TSPEAR: variants seen among roughly 807,000 people sequenced by gnomAD.
The protein encoded by TSPEAR is thrombospondin type laminin G domain and EAR repeats.
Under a neutral mutation model 71.6 loss-of-function variants are expected in TSPEAR, and 69 were observed. That is an observed-to-expected ratio of 0.96 (90% CI 0.79 to 1.18). The LOEUF (loss-of-function observed/expected upper bound fraction) is 1.18, where lower values mean the gene tolerates loss of function less well. TSPEAR is among the 50% of genes most tolerant of loss of function. The pLI is 0.00. For synonymous variants in TSPEAR, 402 were observed against 387.2 expected, an observed-to-expected ratio of 1.04 and a Z score of -0.45; for missense variants, 971 against 894.9, an observed-to-expected ratio of 1.09 and a Z score of -1.09.
chr21:44,590,727 G>C (rs1410927081), intron 1 of TSPEAR, among the ~76,000 whole-genome samples: 1 of 152,132 alleles, frequency 6.6e-6, no homozygotes, highest in Non-Finnish European at 1.5e-5. Flanking sequence ...CCAGTCCTGG[G>C]GGGCAGCCAT....
chr21:44,700,313 C>T (rs1435535968), intron 1 of TSPEAR, among the ~76,000 whole-genome samples: 3 of 152,170 alleles, frequency 2.0e-5, no homozygotes, highest in Non-Finnish European at 1.5e-5. Flanking sequence ...CTGGGTGTCA[C>T]GTGTGCTTGG....
At chr21:44,658,434 C>T (rs11702280) in intron 1 of TSPEAR, 338,529 of 669,396 alleles carry the variant, frequency 0.51, 85,900 homozygotes, top group African/African-American at 0.68. Context: ...TTCCATGACC[C>T]TGGGAACCCC....
intron 1 of TSPEAR, among the ~76,000 whole-genome samples, chr21:44,573,549 C>T (rs1372340578): frequency 6.6e-6 from 1 of 152,188 alleles, no homozygotes; most frequent in Non-Finnish European, 1.5e-5. Flanking sequence ...TGAGCAACAG[C>T]TCTTGGGAAA....
Position 44,527,341 on chromosome 21 carries a change from A to C in TSPEAR, c.1100T>G (p.Ile367Ser). ...TEEKFVSYQN[I>S]PTHQAQAWRH... ...CCAGGCCTGTGCTTGGTGCGTGGGG[A>C]TGTTCTGATATGAGACGAACTTCTC... The change falls in exon 7 of 12, where the codon ATC (isoleucine) becomes AGC (serine). Residue 367 changes from isoleucine to serine, a missense_variant. Coordinates refer to ENST00000323084, the MANE Select transcript of TSPEAR (RefSeq NM_144991.3). 3 of 1,614,048 alleles carry C rather than the reference A, an allele frequency of 1.9e-6. No homozygotes were observed. The highest frequency in any genetic ancestry group is 2.2e-5 in the South Asian group (2 of 91,066).
At chr21:44,539,592 C>T (rs370100947) in intron 2 of TSPEAR, 214 of 1,612,942 alleles carry the variant, frequency 1.3e-4, no homozygotes, top group African/African-American at 1.9e-4. Flanking sequence ...TTGCAACGGA[C>T]GGGCACGCAG....
At chr21:44,562,462 A>C (rs233258) in intron 2 of TSPEAR, among the ~76,000 whole-genome samples, 141,687 of 152,198 alleles carry the variant, frequency 0.93, 66,088 homozygotes, top group Non-Finnish European at 0.96. Context: ...GACATTCTTC[A>C]CAGAATTAGT....
intron 2 of TSPEAR, among the ~76,000 whole-genome samples, chr21:44,540,975 T>A (rs1262070010): frequency 1.3e-5 from 2 of 151,814 alleles, no homozygotes; most frequent in Admixed American, 6.6e-5. Context: ...TATTCTTAAA[T>A]TTATTTTTTT....
In TSPEAR at chr21:44,604,113, C is replaced by T. The variant is rs369097688; in HGVS notation, c.83-36108G>A. 1.1e-4 allele frequency among the ~76,000 whole-genome samples: 17 copies of T among 152,288 alleles called. No individual in the cohort carries two copies. In the East Asian group the frequency reaches 1.9e-3, roughly 17 times the overall value. ...ACTTCCACGCCACAGGTTGTGGGAG[C>T]CCTGCTGCCTCTCTTCCTTGCCGGG... On this transcript the variant is annotated intron_variant, in intron 1 of 11. Coordinates refer to ENST00000323084, the MANE Select transcript of TSPEAR (RefSeq NM_144991.3).
At position 44,647,270 on chromosome 21, in the gene TSPEAR, C is replaced by T. The variant is rs369444628; in HGVS notation, c.82+64163G>A. 1.9e-4 allele frequency: 311 copies of T among 1,602,482 alleles called. 3 individuals are homozygous for T. In the Middle Eastern group the frequency reaches 3.8e-3, roughly 20 times the overall value. On this transcript the variant is annotated intron_variant, in intron 1 of 11. Coordinates refer to ENST00000323084, the MANE Select transcript of TSPEAR (RefSeq NM_144991.3). ...TGCCAGTCCAGCTGCTGCCGCCCGG[C>T]CTCCTGCGTGTCCCTCCTCTGCCGC... is the stretch of plus-strand genomic sequence containing the variant.
At chr21:44,539,408 A>G (rs782496517) in intron 2 of TSPEAR, 3 of 1,602,376 alleles carry the variant, frequency 1.9e-6, no homozygotes, top group Non-Finnish European at 2.6e-6. Flanking sequence ...GCAGGAGGAG[A>G]CAGGCATACA....
chr21:44,639,722 G>A (rs587626558), intron 1 of TSPEAR, among the ~76,000 whole-genome samples: 12 of 152,314 alleles, frequency 7.9e-5, no homozygotes, highest in African/African-American at 2.9e-4. Flanking sequence ...CCACATCACT[G>A]TGCTCACTGA....
Position 44,631,919 on chromosome 21 carries a change from G to T in TSPEAR, c.83-63914C>A, listed in dbSNP as rs1387494848. Among the ~76,000 whole-genome samples, 4 of 152,264 alleles carry T rather than the reference G, an allele frequency of 2.6e-5. No individual in the cohort carries two copies. In the South Asian group the frequency reaches 6.2e-4, roughly 24 times the overall value. ...ATGGTGGTTGCCAGGTGCCTGGGGG[G>T]AGGAGGAGGAATGTGGAGTTAGTGT... On this transcript the variant is annotated intron_variant, in intron 1 of 11. Coordinates refer to ENST00000323084, the MANE Select transcript of TSPEAR (RefSeq NM_144991.3).
chr21:44,572,063 C>T (rs1038472288), intron 1 of TSPEAR, among the ~76,000 whole-genome samples: 13 of 152,224 alleles, frequency 8.5e-5, no homozygotes, highest in Admixed American at 3.3e-4. Context: ...GGATGGGCCG[C>T]GGCCGTGTCA....
intron 9 of TSPEAR, among the ~76,000 whole-genome samples, chr21:44,512,056 G>C (rs781798464): frequency 3.9e-5 from 6 of 152,224 alleles, no homozygotes; most frequent in Admixed American, 6.5e-5. Context: ...AGGGGAGTTG[G>C]CAGCAGGAAG....
chr21:44,519,959 G>A (rs1201033614), intron 9 of TSPEAR: 1 of 152,320 alleles, frequency 6.6e-6, no homozygotes, highest in Non-Finnish European at 1.5e-5. Context: ...CAAGGCCAAT[G>A]GCTGGAAGGA....
chr21:44,641,021 AT>A (rs1312633096), intron 1 of TSPEAR, among the ~76,000 whole-genome samples: 1 of 152,176 alleles, frequency 6.6e-6, no homozygotes, highest in African/African-American at 2.4e-5. Flanking sequence ...TGGAGCCCCC[AT>A]GTCCAATCAG....
chr21:44,547,919 A>G (rs368488181), intron 2 of TSPEAR, among the ~76,000 whole-genome samples: 1 of 152,204 alleles, frequency 6.6e-6, no homozygotes, highest in East Asian at 1.9e-4. Flanking sequence ...CATCATGGGC[A>G]TGCGTGGGGG....
chr21:44,631,081 G>GGA (rs1555935625), intron 1 of TSPEAR, among the ~76,000 whole-genome samples: 4 of 150,778 alleles, frequency 2.7e-5, no homozygotes, highest in Non-Finnish European at 5.9e-5. Flanking sequence ...AGTAAAGAAA[G>GGA]AAAAAAAAGC....
rs147328812 is a variant in TSPEAR, at chr21:44,567,796, G to T, written c.292C>A (p.Leu98Ile). The T allele has an allele frequency of 2.5e-6, 4 of 1,573,080 alleles. No homozygotes were observed. Among genetic ancestry groups the T allele is most frequent in the Non-Finnish European group, 3.5e-6 (4 of 1,158,462 alleles). Residue 98 changes from leucine to isoleucine, a missense_variant, in exon 2 of 12, where the codon CTT (leucine) becomes ATT (isoleucine). By Grantham distance (5) the Leu-to-Ile change is conservative (BLOSUM62 2). Coordinates refer to ENST00000323084, the MANE Select transcript of TSPEAR (RefSeq NM_144991.3). ...AAAGTGCCACTGACCTTGGGTGGAA[G>T]ATTGGGAACTCTCAAAGTTACGACG... ...SIVVTLRVPN[L>I]PPKRNEYLLT... is the part of the protein sequence containing the mutation.
Sources: allele counts gnomAD v4.1 joint callset (sites outside exome capture counted in the v4.1 genomes callset), GRCh38; gene constraint gnomAD v4.1.1; transcripts MANE v1.5; gene names NCBI Gene and HGNC (gene_info 2026-07-23, HGNC 2026-07-21).